Variants in TFAP2D observed in about 807,000 individuals in gnomAD.
TFAP2D encodes the protein transcription factor AP-2 delta.
In TFAP2D, 9 loss-of-function variants were observed where a neutral mutation model predicts 43.6. The observed-to-expected ratio is 0.21, with a 90% confidence interval of 0.12 to 0.36. The LOEUF is 0.36. Among genes scored for constraint, TFAP2D ranks in the 10% least tolerant of loss-of-function variants. The probability of loss-of-function intolerance (pLI) is 1.00; values close to 1 mark genes in which losing one functional copy is unlikely to be tolerated. For missense variants in TFAP2D, 513 were observed against 561.4 expected (o/e 0.91, Z 0.87); for synonymous variants, 256 against 224.9 (o/e 1.14, Z -1.24).
At chr6:50,764,600 G>T (rs958675725) in intron 7 of TFAP2D, among the ~76,000 whole-genome samples, 4 of 152,008 alleles carry the variant, frequency 2.6e-5, no homozygotes, top group African/African-American at 9.7e-5. Context: ...TAAAATAAAC[G>T]TAAATAAAAC....
At chr6:50,731,740 G>A (rs1768896492) in intron 5 of TFAP2D, among the ~76,000 whole-genome samples, 1 of 151,980 alleles carries the variant, frequency 6.6e-6, no homozygotes, top group South Asian at 2.1e-4. Context: ...CATTGTTGAT[G>A]ACTCTCTTTT....
At chr6:50,715,648 C>T (rs747464028) in intron 2 of TFAP2D, 35 bp downstream of exon 2, 57 of 1,544,814 alleles carry the variant, frequency 3.7e-5, no homozygotes, top group Non-Finnish European at 4.8e-5. Context: ...TCTGCTCCCT[C>T]CCCTCTTCGC....
intron 7 of TFAP2D, among the ~76,000 whole-genome samples, chr6:50,766,650 C>CTTTTTT: frequency 1.3e-5 from 1 of 77,026 alleles, no homozygotes; most frequent in Non-Finnish European, 2.7e-5. Context: ...CATGAGATTG[C>CTTTTTT]TTTCTTTTTT....
At chr6:50,764,300 T>C (rs904626678) in intron 7 of TFAP2D, among the ~76,000 whole-genome samples, 7 of 152,176 alleles carry the variant, frequency 4.6e-5, no homozygotes, top group Non-Finnish European at 8.8e-5. Flanking sequence ...AAGATTGAGC[T>C]CTGAAAAGAA....
intron 3 of TFAP2D, among the ~76,000 whole-genome samples, chr6:50,719,478 A>AAAGAAAGAAAGAAAGGAAGG (rs1554151937): frequency 1.5e-5 from 2 of 137,416 alleles, no homozygotes; most frequent in African/African-American, 5.0e-5. Context: ...AGAAAGAAAG[A>AAAGAAAGAAAGAAAGGAAGG]AAGAAAGAAA....
Position 50,715,196 on chromosome 6 carries a change from TTCC to T in TFAP2D, c.129_131del (p.Ser44del). On this transcript the variant is annotated inframe_deletion, in exon 2 of 8. Transcript: ENST00000008391. ...CAGTAGCCAATTCCACTGTCGCCTA[TTCC>T]TCCTCCTCTCCTTTAACTTACTCCA... 1 of 1,613,902 alleles carries T rather than the reference TTCC, an allele frequency of 6.2e-7. No homozygotes were observed. Among genetic ancestry groups the T allele is most frequent in the Non-Finnish European group, 8.5e-7 (1 of 1,179,972 alleles).
In TFAP2D at chr6:50,728,840, C is replaced by CT. The variant is rs761010241; in HGVS notation, c.599-9dup. The CT allele has an allele frequency of 6.2e-7, 1 of 1,612,922 alleles. No individual in the cohort carries two copies. Among genetic ancestry groups the CT allele is most frequent in the South Asian group, 1.1e-5 (1 of 90,894 alleles). ...TTCACTGTCACTAACATGTTATATACTTTTTTTCTCCCAAGGTGGCACCTG... is the reference window on the plus strand; with the variant it reads ...TTCACTGTCACTAACATGTTATATACTTTTTTTTCTCCCAAGGTGGCACCTG... On this transcript the variant is annotated splice_polypyrimidine_tract_variant and intron_variant, in intron 3 of 7. Coordinates refer to ENST00000008391, the MANE Select transcript of TFAP2D (RefSeq NM_172238.4).
intron 2 of TFAP2D, among the ~76,000 whole-genome samples, chr6:50,716,638 T>G (rs1768632704): frequency 6.6e-6 from 1 of 152,234 alleles, no homozygotes; most frequent in Non-Finnish European, 1.5e-5. Flanking sequence ...ATAGGCATAT[T>G]TCAAACAAAT....
chr6:50,716,439 G>GAAGGAAGGAAGGAAGGAGAA lies in TFAP2D; in HGVS notation c.537+843_537+862dup, dbSNP rs1768629235. On this transcript the variant is annotated intron_variant, in intron 2 of 7. Transcript: ENST00000008391. ...GGTAATGAAAGAGGGAAAAAATAAA[G>GAAGGAAGGAAGGAAGGAGAA]AAGGAAGGAAGGAAGGAGAAAAGGA... is the stretch of plus-strand genomic sequence containing the variant. Among the ~76,000 whole-genome samples the GAAGGAAGGAAGGAAGGAGAA allele has an allele frequency of 2.1e-5, 3 of 143,374 alleles. No homozygotes were observed. The South Asian group carries it at 6.8e-4, about 33-fold the overall frequency. 94.1% of individuals were successfully genotyped at this position (143,374 alleles called of 152,430 possible). A position where few individuals can be genotyped will look rare whatever the true frequency, so the allele number is the denominator to read the frequency against.
At chr6:50,758,995 G>C (rs979631559) in intron 7 of TFAP2D, among the ~76,000 whole-genome samples, 3 of 151,948 alleles carry the variant, frequency 2.0e-5, no homozygotes, top group Admixed American at 1.3e-4. Context: ...AGCATCCATG[G>C]CAGGGCTTTT....
intron 3 of TFAP2D, among the ~76,000 whole-genome samples, chr6:50,726,355 T>C (rs1249506377): frequency 6.6e-6 from 1 of 152,228 alleles, no homozygotes; most frequent in Non-Finnish European, 1.5e-5. Context: ...TTCCCTACCC[T>C]TAGCATCCAG....
At chr6:50,761,327 A>G (rs1769360739) in intron 7 of TFAP2D, among the ~76,000 whole-genome samples, 1 of 151,872 alleles carries the variant, frequency 6.6e-6, no homozygotes, top group Admixed American at 6.6e-5. Context: ...AATTGCTTAA[A>G]TGATGATGGC....
At chr6:50,753,989 T>A (rs751780763) in intron 7 of TFAP2D, among the ~76,000 whole-genome samples, 3 of 151,960 alleles carry the variant, frequency 2.0e-5, no homozygotes, top group Non-Finnish European at 4.4e-5. Flanking sequence ...TGATTAAAAA[T>A]ACATAACATA....
intron 7 of TFAP2D, among the ~76,000 whole-genome samples, chr6:50,772,063 T>TA (rs1769536564): frequency 6.6e-6 from 1 of 152,040 alleles, no homozygotes; most frequent in Non-Finnish European, 1.5e-5. Flanking sequence ...TATGCAGCCA[T>TA]AAAAAATGAT....
At chr6:50,724,169 G>A (rs1377291635) in intron 3 of TFAP2D, among the ~76,000 whole-genome samples, 1 of 152,070 alleles carries the variant, frequency 6.6e-6, no homozygotes, top group African/African-American at 2.4e-5. Flanking sequence ...TAGAGAGGAA[G>A]CAGCAGAGAA....
At chr6:50,745,956 G>A (rs968496964) in intron 6 of TFAP2D, among the ~76,000 whole-genome samples, 4 of 152,074 alleles carry the variant, frequency 2.6e-5, no homozygotes, top group South Asian at 2.1e-4. Flanking sequence ...TTGAAAGTTC[G>A]TCGATAATTA....
At chr6:50,733,624 G>A (rs1036088248) in intron 5 of TFAP2D, among the ~76,000 whole-genome samples, 1 of 152,028 alleles carries the variant, frequency 6.6e-6, no homozygotes, top group South Asian at 2.1e-4. Context: ...TTCTTGAATT[G>A]GCAACTTCTG....
chr6:50,758,430 TG>T (rs1339729021), intron 7 of TFAP2D, among the ~76,000 whole-genome samples: 2 of 152,000 alleles, frequency 1.3e-5, no homozygotes, highest in African/African-American at 4.8e-5. Context: ...CCACTTCTTG[TG>T]GGCTTTACAG....
intron 7 of TFAP2D, among the ~76,000 whole-genome samples, chr6:50,755,598 C>T (rs1215096305): frequency 1.3e-5 from 2 of 151,770 alleles, no homozygotes; most frequent in Admixed American, 6.6e-5. Context: ...TAACTATAAG[C>T]TTTTTTTCCC....
Sources: gnomAD v4.1 joint callset for allele counts (sites outside exome capture counted in the v4.1 genomes callset) on GRCh38, gnomAD v4.1.1 for gene constraint, MANE v1.5 for transcripts, NCBI Gene and HGNC (gene_info 2026-07-23, HGNC 2026-07-21) for gene names.